REEP3: variants seen among roughly 807,000 people sequenced by gnomAD.
The protein encoded by REEP3 is receptor accessory protein 3.
A neutral mutation model predicts 41.3 loss-of-function variants in REEP3; 20 were observed. The observed-to-expected ratio is 0.48, with a 90% CI of 0.34 to 0.70. The LOEUF is 0.70. Ranked by LOEUF, REEP3 falls within the 30% of genes least tolerant of loss-of-function variation. The pLI is 0.01. For missense variants in REEP3, 271 were observed against 308.8 expected (o/e 0.88, Z 0.92); for synonymous variants, 104 against 101.8 (o/e 1.02, Z -0.13).
In REEP3 at chr10:63,623,670, G is replaced by C. The variant is rs1365786783; in HGVS notation, c.*2801G>C. 6.6e-6 allele frequency: 1 copy of C among 152,158 alleles called. No homozygotes were observed. Among genetic ancestry groups the C allele is most frequent in the African/African-American group, 2.4e-5 (1 of 41,346 alleles). The allele number at this position is 152,158 out of a possible 1,614,324, so 9.4% of individuals were successfully genotyped here. A position where few individuals can be genotyped will look rare whatever the true frequency, so the allele number is the denominator to read the frequency against. ...TTTTTCCTGGTATAAAAAGGAGCCAGAAATAAGCCTTATTGCTAAATAATT... is the reference window on the plus strand; with the variant it reads ...TTTTTCCTGGTATAAAAAGGAGCCACAAATAAGCCTTATTGCTAAATAATT... On this transcript the variant is annotated 3_prime_UTR_variant, in exon 8 of 8. Coordinates refer to ENST00000373758, the MANE Select transcript of REEP3 (RefSeq NM_001001330.3).
rs372856366 is a variant in REEP3 at position 63,565,886 on chromosome 10, C to CTTT, written c.33-438_33-436dup. The stretch of plus-strand genomic sequence containing the variant: ...ACTGCTATCTAAATATTTAAATCAT[C>CTTT]TTTTTTTTTTTTTTTTGAGACAGAG... On this transcript the variant is annotated intron_variant, in intron 1 of 7. Coordinates refer to ENST00000373758, the MANE Select transcript of REEP3 (RefSeq NM_001001330.3). Among the ~76,000 whole-genome samples the CTTT allele has an allele frequency of 1.0e-3, 138 of 137,036 alleles. 2 individuals are homozygous for CTTT. Among genetic ancestry groups the CTTT allele is most frequent in the Admixed American group, 2.9e-3 (39 of 13,616 alleles). The allele number at this position is 137,036 out of a possible 152,430, so 89.9% of individuals were successfully genotyped here. A position where few individuals can be genotyped will look rare whatever the true frequency, so the allele number is the denominator to read the frequency against.
rs537056533 is a variant in REEP3, at chr10:63,542,091, T to G, written c.32+20514T>G. ...TCTTTTTGTTTTTGTTTTTGTTTTTTTTTTTTGAGACAGAGTCTCACTCTG... is the reference window on the plus strand; with the variant it reads ...TCTTTTTGTTTTTGTTTTTGTTTTTGTTTTTTGAGACAGAGTCTCACTCTG... On this transcript the variant is annotated intron_variant, in intron 1 of 7. Coordinates refer to ENST00000373758, the MANE Select transcript of REEP3 (RefSeq NM_001001330.3). 1.7e-3 allele frequency among the ~76,000 whole-genome samples: 257 copies of G among 150,654 alleles called. 2 individuals are homozygous for G. Among genetic ancestry groups the G allele is most frequent in the African/African-American group, 6.1e-3 (246 of 40,578 alleles).
Position 63,623,755 on chromosome 10 carries a change from A to ATG in REEP3, c.*2928_*2929dup, listed in dbSNP as rs57254958. The ATG allele has an allele frequency of 0.17, 24,045 of 142,054 alleles. 2,020 individuals are homozygous for ATG. The highest frequency in any genetic ancestry group is 0.24 in the African/African-American group (9,019 of 38,168). 8.8% of individuals were successfully genotyped at this position (142,054 alleles called of 1,614,324 possible). A position where few individuals can be genotyped will look rare whatever the true frequency, so the allele number is the denominator to read the frequency against. On this transcript the variant is annotated 3_prime_UTR_variant, in exon 8 of 8. Transcript: ENST00000373758. Reference sequence around the variant, plus strand: ...CCCCCTCACATACTTCACAATATATATGTGTGTGTGTGTGTGTGTGTGTGT... The same window carrying ATG: ...CCCCCTCACATACTTCACAATATATATGTGTGTGTGTGTGTGTGTGTGTGTGT...
intron 1 of REEP3, among the ~76,000 whole-genome samples, chr10:63,531,942 A>T (rs1300788479): frequency 6.6e-6 from 1 of 152,260 alleles, no homozygotes; most frequent in Non-Finnish European, 1.5e-5. Context: ...TATTATTTCA[A>T]AATTCCTATG....
At position 63,539,045 on chromosome 10, in the gene REEP3, T is replaced by G. The variant is rs918704382; in HGVS notation, c.32+17468T>G. ...AGATTTCTAGTTAAAGAATGCAAAG[T>G]AACTAAATTTACTAGATTTCACTTC... On this transcript the variant is annotated intron_variant, in intron 1 of 7. Coordinates refer to ENST00000373758, the MANE Select transcript of REEP3 (RefSeq NM_001001330.3). Among the ~76,000 whole-genome samples the G allele has an allele frequency of 3.3e-5, 5 of 152,336 alleles. No individual in the cohort carries two copies. In the East Asian group the frequency reaches 9.6e-4, roughly 29 times the overall value.
intron 4 of REEP3, 48 bp downstream of exon 4, chr10:63,598,192 AGCGGAG>A (rs1335382901): frequency 7.2e-7 from 1 of 1,388,270 alleles, no homozygotes; most frequent in East Asian, 2.6e-5. Context: ...GAAATGCCTA[AGCGGAG>A]GCCAGGTGTG....
chr10:63,562,196 C>G (rs1280380197), intron 1 of REEP3, among the ~76,000 whole-genome samples: 1 of 151,056 alleles, frequency 6.6e-6, no homozygotes, highest in Admixed American at 6.6e-5. Flanking sequence ...TATCCAGAGC[C>G]TGGGGGTTGG....
intron 1 of REEP3, among the ~76,000 whole-genome samples, chr10:63,541,823 G>A (rs994872843): frequency 1.1e-4 from 17 of 152,246 alleles, no homozygotes; most frequent in East Asian, 1.9e-4. Context: ...GGCCCTGCCC[G>A]TAGCAATGGG....
At chr10:63,541,258 A>G (rs1311209587) in intron 1 of REEP3, among the ~76,000 whole-genome samples, 1 of 152,198 alleles carries the variant, frequency 6.6e-6, no homozygotes, top group Non-Finnish European at 1.5e-5. Flanking sequence ...TGGCCGTAGA[A>G]TGGCGTATGT....
At chr10:63,589,042 C>T (rs1183310203) in intron 2 of REEP3, among the ~76,000 whole-genome samples, 2 of 152,022 alleles carry the variant, frequency 1.3e-5, no homozygotes, top group Non-Finnish European at 2.9e-5. Context: ...GCTGGAGCCA[C>T]GTAGATACAC....
Position 63,598,154 on chromosome 10 carries a change from A to G in REEP3, c.303+10A>G, listed in dbSNP as rs573462468. 13 of 1,559,554 alleles carry G rather than the reference A, an allele frequency of 8.3e-6. No homozygotes were observed. Among genetic ancestry groups the G allele is most frequent in the East Asian group, 2.3e-5 (1 of 44,292 alleles). ...TTCTTCAAAGGAAAGGGTAAGATAT[A>G]TAAATTACTTCCGTAAATAATTTTT... is the stretch of plus-strand genomic sequence containing the variant. On this transcript the variant is annotated intron_variant, in intron 4 of 7. Coordinates refer to ENST00000373758, the MANE Select transcript of REEP3 (RefSeq NM_001001330.3).
In REEP3 at chr10:63,556,614, G is replaced by GTTT. The variant is rs77925970; in HGVS notation, c.33-9715_33-9713dup. On this transcript the variant is annotated intron_variant, in intron 1 of 7. Transcript: ENST00000373758. ...GTTTTGTTTTGTTTTCTGTTTGCTT[G>GTTT]TTTTTTTTTTTGTTGTTTTGTTTTT... is the stretch of plus-strand genomic sequence containing the variant. 3.9e-4 allele frequency among the ~76,000 whole-genome samples: 5 copies of GTTT among 12,848 alleles called. 2 individuals are homozygous for GTTT. Among genetic ancestry groups the GTTT allele is most frequent in the Non-Finnish European group, 1.2e-3 (4 of 3,414 alleles). The allele number at this position is 12,848 out of a possible 152,430, so 8.4% of individuals were successfully genotyped here.
chr10:63,598,601 G>A (rs1168774418), intron 4 of REEP3, among the ~76,000 whole-genome samples: 11 of 151,428 alleles, frequency 7.3e-5, no homozygotes, highest in African/African-American at 1.7e-4. Flanking sequence ...TGGCTAACAC[G>A]GTGAAACCCT....
intron 1 of REEP3, among the ~76,000 whole-genome samples, chr10:63,544,088 A>G (rs1955555373): frequency 6.6e-6 from 1 of 152,202 alleles, no homozygotes. Flanking sequence ...TCATCTTTGA[A>G]ATTATCTTCC....
intron 1 of REEP3, among the ~76,000 whole-genome samples, chr10:63,561,133 A>C (rs540197950): frequency 5.1e-4 from 77 of 152,358 alleles, no homozygotes; most frequent in Admixed American, 1.0e-3. Flanking sequence ...TTAAAAAATA[A>C]AGGCAAAGCA....
chr10:63,547,015 A>G (rs1955585028), intron 1 of REEP3, among the ~76,000 whole-genome samples: 1 of 151,974 alleles, frequency 6.6e-6, no homozygotes, highest in Non-Finnish European at 1.5e-5. Flanking sequence ...TCCGCCTCTC[A>G]GTTTCAAGCA....
chr10:63,525,512 G>A (rs910915728), intron 1 of REEP3, among the ~76,000 whole-genome samples: 3 of 151,872 alleles, frequency 2.0e-5, no homozygotes, highest in African/African-American at 4.8e-5. Context: ...TCCGCCTCCC[G>A]GGTTCAAGCA....
At chr10:63,565,194 A>AGGCT (rs1955786017) in intron 1 of REEP3, among the ~76,000 whole-genome samples, 1 of 152,226 alleles carries the variant, frequency 6.6e-6, no homozygotes, top group Admixed American at 6.5e-5. Flanking sequence ...CAGGAGACAG[A>AGGCT]GGCTGCAGTG....
At chr10:63,563,982 A>G (rs1272446070) in intron 1 of REEP3, among the ~76,000 whole-genome samples, 2 of 152,228 alleles carry the variant, frequency 1.3e-5, no homozygotes, top group Non-Finnish European at 2.9e-5. Flanking sequence ...TTACAGCCAA[A>G]AAAGCTAAGA....
Sources: allele counts gnomAD v4.1 joint callset (sites outside exome capture counted in the v4.1 genomes callset), GRCh38; gene constraint gnomAD v4.1.1; transcripts MANE v1.5; gene names NCBI Gene and HGNC (gene_info 2026-07-23, HGNC 2026-07-21).